Variants in PRRC2C observed in about 807,000 individuals in gnomAD.
PRRC2C encodes the protein protein PRRC2C.
Under a neutral mutation model 317.2 loss-of-function variants are expected in PRRC2C, and 72 were observed. The observed-to-expected ratio is 0.23, with a 90% CI of 0.19 to 0.28. PRRC2C has a LOEUF of 0.28. Ranked by LOEUF, PRRC2C falls within the 10% of genes least tolerant of loss-of-function variation. The pLI is 1.00. For missense variants in PRRC2C, 3,074 were observed against 3,459.7 expected (o/e 0.89, Z 2.80); for synonymous variants, 1,296 against 1,205.9 (o/e 1.07, Z -1.55).
chr1:171,537,466 G>T lies in PRRC2C; in HGVS notation c.2497G>T (p.Asp833Tyr). Residue 833 changes from aspartate to tyrosine, a missense_variant, in exon 15 of 35, where the codon GAT (aspartate) becomes TAT (tyrosine). Transcript: ENST00000647382. Reference protein sequence around the residue: ...TTPKATEEPEDVRSEAALDQE... With the variant: ...TTPKATEEPEYVRSEAALDQE... Reference sequence around the variant, plus strand: ...TCCCAAAGCAACAGAAGAGCCTGAGGATGTAAGGTAATAAATTATTTCAAT... The same window carrying T: ...TCCCAAAGCAACAGAAGAGCCTGAGTATGTAAGGTAATAAATTATTTCAAT... 1 of 1,563,668 alleles carries T rather than the reference G, an allele frequency of 6.4e-7. No individual in the cohort carries two copies. The highest frequency in any genetic ancestry group is 8.7e-7 in the Non-Finnish European group (1 of 1,152,682).
rs1672768186 is a variant in PRRC2C at position 171,518,320 on chromosome 1, T to C, written c.750+506T>C. 2.0e-5 allele frequency among the ~76,000 whole-genome samples: 3 copies of C among 152,188 alleles called. 1 individual carries two copies. The stretch of plus-strand genomic sequence containing the variant: ...TCTTCTTTGCAATATTTTTGTATTT[T>C]ACATTATGCATTTAAAATGTTTTCC... On this transcript the variant is annotated intron_variant, in intron 6 of 34. Coordinates refer to ENST00000647382, the MANE Select transcript of PRRC2C (RefSeq NM_001387844.1).
intron 1 of PRRC2C, among the ~76,000 whole-genome samples, chr1:171,508,087 C>T (rs1393332774): frequency 6.6e-6 from 1 of 152,196 alleles, no homozygotes; most frequent in Non-Finnish European, 1.5e-5. Context: ...ATGTCATCTG[C>T]AAACAGGGAT....
chr1:171,573,810 C>T (rs575073884), intron 24 of PRRC2C, among the ~76,000 whole-genome samples: 2 of 150,450 alleles, frequency 1.3e-5, no homozygotes, highest in Admixed American at 6.7e-5. Flanking sequence ...TCCCGAGTAG[C>T]TGGATTTACA....
At position 171,550,106 on chromosome 1, in the gene PRRC2C, C is replaced by A; in HGVS notation, c.4993C>A (p.His1665Asn). ...CACAGGTGTTGTTATAATTGATGAT[C>A]ATCCTGAAGTAACAGTAATTGAAGA... ...NYASVVIIDD[H>N]PEVTVIEDPQ... The change falls in exon 18 of 35, where the codon CAT (histidine) becomes AAT (asparagine). Residue 1665 changes from histidine to asparagine, a missense_variant. Transcript: ENST00000647382. 1.2e-6 allele frequency: 2 copies of A among 1,601,914 alleles called. No individual in the cohort carries two copies. The highest frequency in any genetic ancestry group is 2.3e-5 in the South Asian group (2 of 88,760).
At chr1:171,586,907 T>G in intron 30 of PRRC2C, 96 bp from the exon 31 acceptor site, 1 of 979,792 alleles carries the variant, frequency 1.0e-6, no homozygotes, top group Non-Finnish European at 1.5e-6. Context: ...TTTGAAATCT[T>G]ACTCAAAAGT....
chr1:171,553,290 G>A lies in PRRC2C; in HGVS notation c.5127+3050G>A, dbSNP rs192420754. Among the ~76,000 whole-genome samples, 42 of 152,214 alleles carry A rather than the reference G, an allele frequency of 2.8e-4. No individual in the cohort carries two copies. The East Asian group carries it at 5.6e-3, about 20-fold the overall frequency. ...TTCTGTGATGGTAGTTTGTATTTCC[G>A]TGGGATTGGTGGTGATATCCCCTTT... On this transcript the variant is annotated intron_variant, in intron 18 of 34. Coordinates refer to ENST00000647382, the MANE Select transcript of PRRC2C (RefSeq NM_001387844.1).
intron 1 of PRRC2C, among the ~76,000 whole-genome samples, chr1:171,506,242 C>A (rs896697992): frequency 2.0e-5 from 3 of 152,168 alleles, no homozygotes; most frequent in Non-Finnish European, 4.4e-5. Flanking sequence ...ATGTAGAATT[C>A]TGTTTTTATT....
intron 1 of PRRC2C, among the ~76,000 whole-genome samples, chr1:171,507,470 G>T (rs955873449): frequency 6.6e-6 from 1 of 152,108 alleles, no homozygotes; most frequent in African/African-American, 2.4e-5. Flanking sequence ...AATTAGCCGG[G>T]CATGGTGGCA....
At chr1:171,519,520 C>G (rs576304234) in intron 6 of PRRC2C, among the ~76,000 whole-genome samples, 1 of 152,212 alleles carries the variant, frequency 6.6e-6, no homozygotes, top group East Asian at 1.9e-4. Flanking sequence ...TTTGTTGATA[C>G]TATCTTTAAT....
At chr1:171,490,443 T>A (rs1236990570) in intron 1 of PRRC2C, among the ~76,000 whole-genome samples, 2 of 152,114 alleles carry the variant, frequency 1.3e-5, no homozygotes, top group Non-Finnish European at 2.9e-5. Flanking sequence ...TGGAATAGAT[T>A]GATAAAATAG....
Position 171,577,561 on chromosome 1 carries a change from A to G in PRRC2C, c.7083A>G (p.Ser2361=). 6.2e-7 allele frequency: 1 copy of G among 1,613,774 alleles called. No homozygotes were observed. Among genetic ancestry groups the G allele is most frequent in the Non-Finnish European group, 8.5e-7 (1 of 1,179,782 alleles). The change falls in exon 26 of 35, where the codon TCA becomes TCG. Residue 2361 remains serine, a synonymous_variant. Transcript: ENST00000647382. ...TSSLPSASHF[S]QLSCMPSLIA... is the part of the protein sequence containing the mutation. ...GCCTGCCTTCTGCAAGTCATTTTTC[A>G]CAGTTAAGCTGTATGCCTTCCCTTA... is the stretch of plus-strand genomic sequence containing the variant.
At chr1:171,537,203 G>A (rs1163175834) in intron 14 of PRRC2C, 60 bp from the exon 15 acceptor site, 3 of 1,298,642 alleles carry the variant, frequency 2.3e-6, no homozygotes, top group East Asian at 2.5e-5. Flanking sequence ...GTCTATCATG[G>A]TTTTGTTTCG....
At chr1:171,567,562 G>C (rs1683918089) in intron 22 of PRRC2C, among the ~76,000 whole-genome samples, 1 of 152,172 alleles carries the variant, frequency 6.6e-6, no homozygotes, top group South Asian at 2.1e-4. Flanking sequence ...TTCAAAATGA[G>C]ATTTGTGACA....
intron 18 of PRRC2C, among the ~76,000 whole-genome samples, chr1:171,554,121 T>C (rs1314292073): frequency 6.6e-6 from 1 of 152,200 alleles, no homozygotes; most frequent in African/African-American, 2.4e-5. Context: ...TGTAGGTCTC[T>C]AAGGAGTTGC....
At chr1:171,577,967 T>G (rs1435116803) in intron 26 of PRRC2C, among the ~76,000 whole-genome samples, 28 of 143,020 alleles carry the variant, frequency 2.0e-4, no homozygotes, top group African/African-American at 7.1e-4. Context: ...TTTTTTTTTT[T>G]TGCATTTTTG....
intron 13 of PRRC2C, 149 bp from the exon 14 acceptor site, chr1:171,535,880 G>T (rs543848210): frequency 7.0e-4 from 764 of 1,085,296 alleles, no homozygotes; most frequent in Non-Finnish European, 8.9e-4. Context: ...TCAGTTTTTT[G>T]TCTTGCCAAC....
intron 6 of PRRC2C, among the ~76,000 whole-genome samples, 183 bp downstream of exon 6, chr1:171,517,997 G>T (rs1672695762): frequency 6.6e-6 from 1 of 152,236 alleles, no homozygotes; most frequent in African/African-American, 2.4e-5. Context: ...AACACCAGAA[G>T]ATAGAGATCA....
intron 17 of PRRC2C, among the ~76,000 whole-genome samples, chr1:171,549,009 A>G (rs1364599640): frequency 6.6e-6 from 1 of 151,988 alleles, no homozygotes; most frequent in African/African-American, 2.4e-5. Context: ...GCGCCAGCTA[A>G]TTTTTGCATT....
chr1:171,584,947 C>T (rs542884302), intron 30 of PRRC2C, among the ~76,000 whole-genome samples: 2 of 152,134 alleles, frequency 1.3e-5, no homozygotes, highest in East Asian at 1.9e-4. Context: ...AATTTTTCTT[C>T]GTAGTTTTTG....
Sources: gnomAD v4.1 joint callset for allele counts (sites outside exome capture counted in the v4.1 genomes callset) on GRCh38, gnomAD v4.1.1 for gene constraint, MANE v1.5 for transcripts, NCBI Gene and HGNC (gene_info 2026-07-23, HGNC 2026-07-21) for gene names.